Variants in AIG1 observed in about 807,000 individuals in gnomAD.
AIG1 encodes the protein androgen induced 1.
A neutral mutation model predicts 31.4 loss-of-function variants in AIG1; 23 were observed. The ratio of observed to expected loss-of-function variants is 0.73; its 90% CI spans 0.53 to 1.04. The LOEUF (loss-of-function observed/expected upper bound fraction) is 1.04, where lower values mean the gene tolerates loss of function less well. AIG1 is among the 50% of genes least tolerant of loss of function. The pLI, the probability that AIG1 is intolerant of heterozygous loss-of-function variation, is 0.00. For synonymous variants in AIG1, 100 were observed against 110.5 expected (o/e 0.90, Z 0.60); for missense variants, 274 against 295.0 (o/e 0.93, Z 0.52).
intron 2 of AIG1, among the ~76,000 whole-genome samples, chr6:143,162,514 C>G (rs1786477284): frequency 6.6e-6 from 1 of 152,194 alleles, no homozygotes; most frequent in African/African-American, 2.4e-5. Flanking sequence ...AAGATTCCAT[C>G]CCCTGCTGCA....
intron 3 of AIG1, among the ~76,000 whole-genome samples, chr6:143,223,472 A>G (rs1402927656): frequency 1.3e-5 from 2 of 152,152 alleles, no homozygotes; most frequent in Admixed American, 1.3e-4. Flanking sequence ...TTGTTAATGA[A>G]TTAATTTTTT....
chr6:143,095,083 G>T (rs1396976961), intron 1 of AIG1, among the ~76,000 whole-genome samples: 1 of 152,066 alleles, frequency 6.6e-6, no homozygotes. Context: ...TCCACAATGG[G>T]GGCAGTAAAA....
At chr6:143,089,339 T>A (rs1414320788) in intron 1 of AIG1, among the ~76,000 whole-genome samples, 1 of 152,222 alleles carries the variant, frequency 6.6e-6, no homozygotes, top group Non-Finnish European at 1.5e-5. Context: ...ATATAAGGGA[T>A]AAGCACTTGG....
intron 1 of AIG1, among the ~76,000 whole-genome samples, chr6:143,101,834 C>T (rs538543500): frequency 6.6e-6 from 1 of 152,208 alleles, no homozygotes; most frequent in Admixed American, 6.5e-5. Flanking sequence ...ATAATAAAAA[C>T]TTCTACTCTA....
intron 3 of AIG1, among the ~76,000 whole-genome samples, chr6:143,272,260 C>G (rs898861338): frequency 1.3e-5 from 2 of 152,148 alleles, no homozygotes; most frequent in African/African-American, 4.8e-5. Flanking sequence ...TCAGAATAGG[C>G]TAACTTACCC....
chr6:143,283,389 T>G (rs1441169418), intron 3 of AIG1, among the ~76,000 whole-genome samples: 1 of 152,238 alleles, frequency 6.6e-6, no homozygotes, highest in Non-Finnish European at 1.5e-5. Flanking sequence ...TTTGGCGTTG[T>G]TTGCTAACCT....
At chr6:143,091,759 A>G (rs1297270183) in intron 1 of AIG1, among the ~76,000 whole-genome samples, 1 of 152,240 alleles carries the variant, frequency 6.6e-6, no homozygotes, top group Non-Finnish European at 1.5e-5. Context: ...TGAGAGTACT[A>G]AAGTTAAAGG....
chr6:143,077,926 G>A (rs913962638), intron 1 of AIG1, among the ~76,000 whole-genome samples: 3 of 152,128 alleles, frequency 2.0e-5, no homozygotes, highest in African/African-American at 7.2e-5. Context: ...TACTGATGAG[G>A]ATCCTACTCC....
chr6:143,290,819 GT>G (rs1562562128), intron 4 of AIG1, among the ~76,000 whole-genome samples: 1 of 152,146 alleles, frequency 6.6e-6, no homozygotes, highest in African/African-American at 2.4e-5. Flanking sequence ...GTAACAATAA[GT>G]ATCTCACATT....
Position 143,284,291 on chromosome 6 carries a change from A to G in AIG1, c.515+66A>G. ...TTTGCACTGCTAAATTTGGGCACAT[A>G]TTTCATTATGGATATAATCACTAAC... On this transcript the variant is annotated intron_variant, in intron 4 of 5. Coordinates refer to ENST00000357847, the MANE Select transcript of AIG1 (RefSeq NM_016108.4). This position sits in a 1 kb window ranked among gnomAD's most constrained non-coding sequence, Gnocchi z 4.4. 1 of 1,153,834 alleles carries G rather than the reference A, an allele frequency of 8.7e-7. No homozygotes were observed. Among genetic ancestry groups the G allele is most frequent in the Non-Finnish European group, 1.3e-6 (1 of 781,978 alleles). The allele number at this position is 1,153,834 out of a possible 1,614,324, so 71.5% of individuals were successfully genotyped here. A position where few individuals can be genotyped will look rare whatever the true frequency, so the allele number is the denominator to read the frequency against.
intron 3 of AIG1, among the ~76,000 whole-genome samples, chr6:143,200,049 T>G (rs1456253667): frequency 1.3e-5 from 2 of 152,188 alleles, no homozygotes; most frequent in African/African-American, 2.4e-5. Flanking sequence ...GGTATCTGGA[T>G]GTCTCATTAG....
intron 3 of AIG1, chr6:143,188,074 A>G: frequency 8.4e-6 from 9 of 1,073,174 alleles, no homozygotes; most frequent in Non-Finnish European, 1.0e-5. Context: ...GTTGATGCTC[A>G]AAGGGTACAG....
intron 1 of AIG1, among the ~76,000 whole-genome samples, chr6:143,132,981 GTTATTTAA>G (rs1335174715): frequency 6.6e-6 from 1 of 151,446 alleles, no homozygotes; most frequent in Non-Finnish European, 1.5e-5. Flanking sequence ...ATTTAATTTA[GTTATTTAA>G]TGCACTTGTC....
rs77242293 is a variant in AIG1, at chr6:143,291,841, G to A, written c.515+7616G>A. Among the ~76,000 whole-genome samples the A allele has an allele frequency of 1.7e-3, 266 of 152,292 alleles. 3 individuals carry two copies. The East Asian group carries it at 0.04, about 23-fold the overall frequency. On this transcript the variant is annotated intron_variant, in intron 4 of 5. Transcript: ENST00000357847. This position sits in a 1 kb window ranked among gnomAD's most constrained non-coding sequence, Gnocchi z 4.2. Reference sequence around the variant, plus strand: ...GGAAGGAGAGCATTAGAGGCCACTGGAAAGACTGTCCTTAATTCAGATTGG... The same window carrying A: ...GGAAGGAGAGCATTAGAGGCCACTGAAAAGACTGTCCTTAATTCAGATTGG...
chr6:143,061,302 A>G, intron 1 of AIG1: 1 of 648,226 alleles, frequency 1.5e-6, no homozygotes, highest in Non-Finnish European at 2.9e-6. Context: ...TTACCTGGCA[A>G]CTGGGGGACA....
intron 3 of AIG1, among the ~76,000 whole-genome samples, chr6:143,186,190 G>A (rs1054853250): frequency 5.3e-5 from 8 of 152,156 alleles, no homozygotes; most frequent in African/African-American, 1.9e-4. Flanking sequence ...ATGGAGCCTT[G>A]TAAACATCTA....
At chr6:143,097,396 A>G (rs1019313614) in intron 1 of AIG1, among the ~76,000 whole-genome samples, 6 of 152,112 alleles carry the variant, frequency 3.9e-5, no homozygotes, top group African/African-American at 1.2e-4. Context: ...TACCCTCATC[A>G]TATCCTGTTT....
Position 143,154,033 on chromosome 6 carries a change from T to C in AIG1, c.298-11049T>C, listed in dbSNP as rs117428601. Among the ~76,000 whole-genome samples the C allele has an allele frequency of 2.9e-3, 436 of 151,822 alleles. 14 individuals carry two copies. The East Asian group carries it at 0.052, about 18-fold the overall frequency. Reference sequence around the variant, plus strand: ...TGGGAGGCCAAGGCTGGAGGATCACTTGAAACCAGGAGTTCGTGACCAGAC... The same window carrying C: ...TGGGAGGCCAAGGCTGGAGGATCACCTGAAACCAGGAGTTCGTGACCAGAC... On this transcript the variant is annotated intron_variant, in intron 2 of 5. Transcript: ENST00000357847.
intron 1 of AIG1, among the ~76,000 whole-genome samples, chr6:143,115,323 C>G (rs1333186733): frequency 6.6e-6 from 1 of 152,182 alleles, no homozygotes; most frequent in African/African-American, 2.4e-5. Context: ...ACCCCTTTCT[C>G]TTGCCATGTT....
Sources: gnomAD v4.1 joint callset for allele counts (sites outside exome capture counted in the v4.1 genomes callset) on GRCh38, gnomAD v4.1.1 for gene constraint, Gnocchi (gnomAD v3.1) non-coding constraint, MANE v1.5 for transcripts, NCBI Gene and HGNC (gene_info 2026-07-23, HGNC 2026-07-21) for gene names.